Variants in CACNA2D1 observed in about 807,000 individuals in gnomAD.
CACNA2D1 encodes the protein voltage-dependent calcium channel subunit alpha-2/delta-1.
A neutral mutation model predicts 171.5 loss-of-function variants in CACNA2D1; 53 were observed. The ratio of observed to expected loss-of-function variants is 0.31; its 90% CI spans 0.25 to 0.39. The LOEUF (loss-of-function observed/expected upper bound fraction) is 0.39, where lower values mean the gene tolerates loss of function less well. CACNA2D1 is among the 10% of genes least tolerant of loss of function. The pLI, the probability that CACNA2D1 is intolerant of heterozygous loss-of-function variation, is 1.00. For missense variants in CACNA2D1, 903 were observed against 1,299.8 expected, an observed-to-expected ratio of 0.69 and a Z score of 4.69; for synonymous variants, 442 against 443.1, an observed-to-expected ratio of 1.00 and a Z score of 0.03.
At chr7:82,430,028 T>C (rs1240488949) in intron 1 of CACNA2D1, among the ~76,000 whole-genome samples, 1 of 152,162 alleles carries the variant, frequency 6.6e-6, no homozygotes, top group Non-Finnish European at 1.5e-5. Flanking sequence ...TAAAATGTCA[T>C]GACAAAGACA....
At position 82,005,772 on chromosome 7, in the gene CACNA2D1, C is replaced by T. The variant is rs758561622; in HGVS notation, c.1508G>A (p.Arg503His). Residue 503 changes from arginine to histidine, a missense_variant, in exon 17 of 39, where the codon CGT becomes CAT. Coordinates refer to ENST00000356860, the MANE Select transcript of CACNA2D1 (RefSeq NM_000722.4). ...SLEDIKRLTP[R>H]FTLCPNGYYF... is the part of the protein sequence containing the mutation. Reference sequence around the variant, plus strand: ...GAGCAAATTTCATCTTACTGTAAAACGTGGTGTCAGTCTTTTAATATCTTC... The same window carrying T: ...GAGCAAATTTCATCTTACTGTAAAATGTGGTGTCAGTCTTTTAATATCTTC... 2.3e-5 allele frequency: 36 copies of T among 1,588,356 alleles called. No individual in the cohort carries two copies. The Admixed American group carries it at 4.3e-4, about 19-fold the overall frequency.
chr7:82,120,755 G>C (rs141047580), intron 5 of CACNA2D1, among the ~76,000 whole-genome samples: 64 of 151,658 alleles, frequency 4.2e-4, no homozygotes, highest in African/African-American at 5.1e-4. Flanking sequence ...CATGCCTGTA[G>C]TCCCAGCTAC....
chr7:82,129,891 G>C (rs866542900), intron 5 of CACNA2D1, among the ~76,000 whole-genome samples: 4 of 152,040 alleles, frequency 2.6e-5, no homozygotes, highest in South Asian at 2.1e-4. Context: ...AAAACATTTG[G>C]TCCTGCCACT....
chr7:81,965,429 G>A (rs996235046), intron 32 of CACNA2D1, among the ~76,000 whole-genome samples, 165 bp downstream of exon 32: 3 of 151,796 alleles, frequency 2.0e-5, no homozygotes, highest in Non-Finnish European at 4.4e-5. Context: ...ACTAGACTTA[G>A]CATGCATTTC....
At chr7:82,143,643 G>C (rs1419805571) in intron 4 of CACNA2D1, among the ~76,000 whole-genome samples, 2 of 152,130 alleles carry the variant, frequency 1.3e-5, no homozygotes, top group East Asian at 3.9e-4. Flanking sequence ...GGAGTGGAAG[G>C]GGCTTATACG....
At chr7:82,109,779 A>C (rs903231960) in intron 6 of CACNA2D1, among the ~76,000 whole-genome samples, 1 of 152,154 alleles carries the variant, frequency 6.6e-6, no homozygotes, top group Non-Finnish European at 1.5e-5. Flanking sequence ...TTCCTATTAG[A>C]TAGATTCCTT....
At chr7:82,048,218 T>A (rs1804771789) in intron 10 of CACNA2D1, among the ~76,000 whole-genome samples, 1 of 152,178 alleles carries the variant, frequency 6.6e-6, no homozygotes, top group Non-Finnish European at 1.5e-5. Flanking sequence ...TGAGACAAAT[T>A]ATATACATCT....
At chr7:81,984,800 C>T (rs1000292633) in intron 21 of CACNA2D1, 89 bp from the exon 22 acceptor site, 8 of 746,482 alleles carry the variant, frequency 1.1e-5, no homozygotes, top group Admixed American at 8.2e-5. Flanking sequence ...ATGGGAAAAT[C>T]GAAAGATCTT....
At chr7:82,044,245 A>C (rs1804284750) in intron 10 of CACNA2D1, among the ~76,000 whole-genome samples, 1 of 152,168 alleles carries the variant, frequency 6.6e-6, no homozygotes, top group South Asian at 2.1e-4. Flanking sequence ...CTATGTATGG[A>C]TTCTAAATGT....
Position 82,203,452 on chromosome 7 carries a change from A to T in CACNA2D1, c.295-32843T>A, listed in dbSNP as rs139877208. 1.2e-3 allele frequency among the ~76,000 whole-genome samples: 176 copies of T among 152,256 alleles called. 2 individuals carry two copies. The East Asian group carries it at 0.026, about 22-fold the overall frequency. ...TGCTGCAGGGCTATAGCATAGCCCC[A>T]CCATATGTCATGGTCTTGTTAATGA... On this transcript the variant is annotated intron_variant, in intron 3 of 38. Transcript: ENST00000356860.
intron 10 of CACNA2D1, among the ~76,000 whole-genome samples, chr7:82,048,298 C>T (rs562804480): frequency 4.4e-4 from 67 of 152,052 alleles, no homozygotes; most frequent in African/African-American, 1.5e-3. Context: ...ACCTATCAAA[C>T]TACATAGCAG....
At chr7:82,138,426 G>GTTTTTTTTTTTTTTTTTT (rs1159205363) in intron 4 of CACNA2D1, among the ~76,000 whole-genome samples, 1 of 101,312 alleles carries the variant, frequency 9.9e-6, no homozygotes. Flanking sequence ...TATAGCATTA[G>GTTTTTTTTTTTTTTTTTT]TTTTGTTTTT....
intron 31 of CACNA2D1, 40 bp downstream of exon 31, chr7:81,967,129 A>C (rs374647087): frequency 6.7e-7 from 1 of 1,500,936 alleles, no homozygotes; most frequent in Non-Finnish European, 9.3e-7. Context: ...TAACACAAGG[A>C]AATATTGTAC....
intron 3 of CACNA2D1, among the ~76,000 whole-genome samples, chr7:82,203,610 G>A (rs189486677): frequency 5.3e-4 from 81 of 152,316 alleles, no homozygotes; most frequent in Non-Finnish European, 8.1e-4. Flanking sequence ...AGCCCTACGG[G>A]TAGTTGATCC....
chr7:82,186,168 AAG>A (rs1378770527), intron 3 of CACNA2D1, among the ~76,000 whole-genome samples: 4 of 136,824 alleles, frequency 2.9e-5, no homozygotes, highest in South Asian at 2.8e-4. Flanking sequence ...AAAACAAAAA[AAG>A]AGAGAGAAGG....
intron 5 of CACNA2D1, 27 bp downstream of exon 5, chr7:82,136,608 A>G: frequency 6.5e-7 from 1 of 1,549,012 alleles, no homozygotes; most frequent in East Asian, 2.3e-5. Flanking sequence ...TTTTCTTGGA[A>G]TTTAATGGAA....
At chr7:82,209,716 AT>A (rs1298227738) in intron 3 of CACNA2D1, among the ~76,000 whole-genome samples, 1 of 152,128 alleles carries the variant, frequency 6.6e-6, no homozygotes, top group East Asian at 1.9e-4. Flanking sequence ...AAAAACACGC[AT>A]TTTTCTGAAA....
chr7:82,143,391 G>A (rs1792620576), intron 4 of CACNA2D1, among the ~76,000 whole-genome samples: 1 of 151,900 alleles, frequency 6.6e-6, no homozygotes, highest in Non-Finnish European at 1.5e-5. Flanking sequence ...AAAAATATCA[G>A]GAATATACAT....
chr7:81,985,195 A>ATTTTTT, intron 21 of CACNA2D1, among the ~76,000 whole-genome samples: 1 of 106,406 alleles, frequency 9.4e-6, no homozygotes, highest in African/African-American at 4.4e-5. Flanking sequence ...TATTATCATT[A>ATTTTTT]CTTTTTTTTT....
Sources: allele counts gnomAD v4.1 joint callset (sites outside exome capture counted in the v4.1 genomes callset), GRCh38; gene constraint gnomAD v4.1.1; transcripts MANE v1.5; gene names NCBI Gene and HGNC (gene_info 2026-07-23, HGNC 2026-07-21).